CNTNAP5: variants seen among roughly 807,000 people sequenced by gnomAD.
CNTNAP5 encodes contactin associated protein family member 5.
CNTNAP5 carries 72 observed loss-of-function variants against 150.2 expected under a neutral mutation model. That is an observed-to-expected ratio of 0.48 (90% confidence interval 0.40 to 0.58). The LOEUF is 0.58. CNTNAP5 is among the 20% of genes least tolerant of loss of function. The pLI is 0.00. For synonymous variants in CNTNAP5, 672 were observed against 619.8 expected (o/e 1.08, Z -1.25); for missense variants, 1,636 against 1,626.2 (o/e 1.01, Z -0.10).
At chr2:124,329,902 C>A (rs1425241630) in intron 3 of CNTNAP5, among the ~76,000 whole-genome samples, 1 of 152,140 alleles carries the variant, frequency 6.6e-6, no homozygotes, top group Non-Finnish European at 1.5e-5. Flanking sequence ...AGAAGGCAGT[C>A]AGTTGAGAAG....
Position 124,662,645 on chromosome 2 carries a change from CAA to C in CNTNAP5, c.2077+14689_2077+14690del, listed in dbSNP as rs370064087. On this transcript the variant is annotated intron_variant, in intron 13 of 23. Transcript: ENST00000682447. ...GGCAGATCTAATTTCAAAGCCCATA[CAA>C]AGTCACAGACACATGTCAAGAGAGA... Among the ~76,000 whole-genome samples the C allele has an allele frequency of 2.6e-3, 389 of 152,266 alleles. 2 individuals carry two copies. Among genetic ancestry groups the C allele is most frequent in the African/African-American group, 8.8e-3 (364 of 41,554 alleles).
intron 1 of CNTNAP5, among the ~76,000 whole-genome samples, chr2:124,085,493 T>G (rs1682665868): frequency 6.6e-6 from 1 of 152,174 alleles, no homozygotes; most frequent in Admixed American, 6.5e-5. Context: ...AGCTCTTTAC[T>G]TCATTAATTT....
chr2:124,619,611 G>T (rs1324191278), intron 12 of CNTNAP5, among the ~76,000 whole-genome samples: 1 of 151,850 alleles, frequency 6.6e-6, no homozygotes, highest in Non-Finnish European at 1.5e-5. Flanking sequence ...GAGCAAAGCA[G>T]ATTGACCTCC....
At chr2:124,381,231 T>C (rs1690787375) in intron 3 of CNTNAP5, among the ~76,000 whole-genome samples, 1 of 151,832 alleles carries the variant, frequency 6.6e-6, no homozygotes. Context: ...TGGACCTGAG[T>C]TTGAACTTCA....
intron 2 of CNTNAP5, among the ~76,000 whole-genome samples, chr2:124,224,817 T>C (rs1266355771): frequency 1.3e-5 from 2 of 152,184 alleles, no homozygotes; most frequent in African/African-American, 4.8e-5. Flanking sequence ...AGAAAACTTA[T>C]AATTTTTGTT....
At chr2:124,187,953 A>G (rs564390582) in intron 1 of CNTNAP5, among the ~76,000 whole-genome samples, 2 of 152,188 alleles carry the variant, frequency 1.3e-5, no homozygotes, top group Admixed American at 6.5e-5. Context: ...ATTATGGTTT[A>G]TTGGAGAGAT....
chr2:124,417,359 C>A (rs541768153), intron 3 of CNTNAP5, 84 bp from the exon 4 acceptor site: 6 of 1,411,952 alleles, frequency 4.2e-6, no homozygotes, highest in South Asian at 1.3e-5. Flanking sequence ...GTTCTCAGTA[C>A]GAGTTCGTGG....
Position 124,254,272 on chromosome 2 carries a change from T to C in CNTNAP5, c.381+11879T>C, listed in dbSNP as rs115431619. On this transcript the variant is annotated intron_variant, in intron 3 of 23. Coordinates refer to ENST00000682447, the MANE Select transcript of CNTNAP5 (RefSeq NM_001367498.1). ...TCTTCCCTCAAATGTAAGAAAATAT[T>C]CCCTCAAATGTAAATGTATCTTCAA... Among the ~76,000 whole-genome samples the C allele has an allele frequency of 3.3e-3, 503 of 152,312 alleles. 5 individuals carry two copies. Among genetic ancestry groups the C allele is most frequent in the African/African-American group, 0.012 (484 of 41,574 alleles).
At chr2:124,880,589 G>A (rs1342237714) in intron 21 of CNTNAP5, among the ~76,000 whole-genome samples, 2 of 151,850 alleles carry the variant, frequency 1.3e-5, no homozygotes, top group Non-Finnish European at 2.9e-5. Flanking sequence ...ATAAATATTT[G>A]GAATCAGTAA....
chr2:124,284,365 G>A (rs899863072), intron 3 of CNTNAP5, among the ~76,000 whole-genome samples: 1 of 152,152 alleles, frequency 6.6e-6, no homozygotes, highest in African/African-American at 2.4e-5. Flanking sequence ...ATCATGAGAA[G>A]AGTTGGGGTT....
chr2:124,247,540 T>G (rs1029896783), intron 3 of CNTNAP5, among the ~76,000 whole-genome samples: 1 of 152,090 alleles, frequency 6.6e-6, no homozygotes, highest in Non-Finnish European at 1.5e-5. Context: ...TATGTTGGCT[T>G]GTCAGCAACT....
chr2:124,743,660 G>C (rs1680548228), intron 13 of CNTNAP5, among the ~76,000 whole-genome samples: 1 of 152,206 alleles, frequency 6.6e-6, no homozygotes, highest in Non-Finnish European at 1.5e-5. Context: ...TTATATTTAT[G>C]ATTCTGTGGT....
In CNTNAP5 at chr2:124,639,585, T is replaced by C. The variant is rs371747630; in HGVS notation, c.1877-8173T>C. On this transcript the variant is annotated intron_variant, in intron 12 of 23. Transcript: ENST00000682447. ...AGCTCATGACGTCCTCTGAGTTCAA[T>C]ACTGGCTACTTTAGATCTTATAAAC... Among the ~76,000 whole-genome samples the C allele has an allele frequency of 3.5e-4, 54 of 152,246 alleles. 1 individual carries two copies. The highest frequency in any genetic ancestry group is 1.2e-3 in the African/African-American group (50 of 41,556).
intron 12 of CNTNAP5, 125 bp from the exon 13 acceptor site, chr2:124,647,633 A>G: frequency 1.3e-6 from 1 of 793,768 alleles, no homozygotes; most frequent in East Asian, 2.7e-5. Context: ...TCTCTGTCCT[A>G]CTCTCCATAC....
intron 1 of CNTNAP5, among the ~76,000 whole-genome samples, chr2:124,172,087 T>C (rs1206317269): frequency 5.3e-5 from 8 of 152,242 alleles, no homozygotes; most frequent in Non-Finnish European, 1.2e-4. Flanking sequence ...CATGCCTATA[T>C]TTAAAATAAA....
chr2:124,040,701 G>A (rs892847633), intron 1 of CNTNAP5, among the ~76,000 whole-genome samples: 2 of 150,476 alleles, frequency 1.3e-5, no homozygotes, highest in African/African-American at 4.9e-5. Flanking sequence ...GACATCTTTG[G>A]TAGAGAGCTT....
At chr2:124,043,972 G>A (rs1404991374) in intron 1 of CNTNAP5, among the ~76,000 whole-genome samples, 2 of 152,134 alleles carry the variant, frequency 1.3e-5, no homozygotes, top group Non-Finnish European at 2.9e-5. Context: ...GCCAGTTCTT[G>A]TCCTCTCTTC....
At chr2:124,797,903 T>G (rs183231287) in intron 18 of CNTNAP5, among the ~76,000 whole-genome samples, 193 bp from the exon 19 acceptor site, 6 of 152,322 alleles carry the variant, frequency 3.9e-5, no homozygotes, top group African/African-American at 1.2e-4. Context: ...TATGAGAGCA[T>G]TAAGTTTTTC....
intron 1 of CNTNAP5, among the ~76,000 whole-genome samples, chr2:124,132,534 C>G (rs933033774): frequency 4.6e-4 from 70 of 152,246 alleles, no homozygotes; most frequent in African/African-American, 1.4e-3. Context: ...TCAACTTCAT[C>G]CCATTTTACA....
Sources: allele counts gnomAD v4.1 joint callset (sites outside exome capture counted in the v4.1 genomes callset), GRCh38; gene constraint gnomAD v4.1.1; transcripts MANE v1.5; gene names NCBI Gene and HGNC (gene_info 2026-07-23, HGNC 2026-07-21).